The following STK32B variants were observed in gnomAD, a reference collection of about 807,000 sequenced individuals.
STK32B encodes serine/threonine kinase 32B, also known as serine/threonine-protein kinase 32B.
A neutral mutation model predicts 52.6 loss-of-function variants in STK32B; 43 were observed. That is an observed-to-expected ratio of 0.82 (90% CI 0.64 to 1.05). The LOEUF is 1.05. Among genes scored for constraint, STK32B ranks in the 50% least tolerant of loss-of-function variants. STK32B has a pLI of 0.00. For synonymous variants in STK32B, 238 were observed against 204.3 expected, an observed-to-expected ratio of 1.17 and a Z score of -1.41; for missense variants, 621 against 534.6, an observed-to-expected ratio of 1.16 and a Z score of -1.59.
At chr4:5,198,622 A>G (rs1053412890) in intron 3 of STK32B, among the ~76,000 whole-genome samples, 3 of 152,186 alleles carry the variant, frequency 2.0e-5, no homozygotes, top group African/African-American at 7.2e-5. Context: ...CAGCATATTT[A>G]GGCCCACGGC....
chr4:5,294,851 A>T (rs1729095873), intron 3 of STK32B, among the ~76,000 whole-genome samples: 1 of 152,066 alleles, frequency 6.6e-6, no homozygotes, highest in African/African-American at 2.4e-5. Flanking sequence ...GTCTTGTGTC[A>T]GTTTTCAAAG....
chr4:5,343,989 G>A (rs1367763444), intron 4 of STK32B, among the ~76,000 whole-genome samples: 1 of 152,134 alleles, frequency 6.6e-6, no homozygotes, highest in Non-Finnish European at 1.5e-5. Context: ...TGATTCATAG[G>A]AAAATAGAGC....
the STK32B span, among the ~76,000 whole-genome samples, chr4:5,045,002 A>T: frequency 2.6e-5 from 4 of 152,318 alleles, no homozygotes; most frequent in African/African-American, 9.6e-5. Flanking sequence ...TGCTGATGCC[A>T]CCAGCATCTC....
intron 1 of STK32B, among the ~76,000 whole-genome samples, chr4:5,087,064 C>T (rs1712769603): frequency 6.6e-6 from 1 of 151,990 alleles, no homozygotes; most frequent in Non-Finnish European, 1.5e-5. Flanking sequence ...TTTTTGTTTG[C>T]AATTCTTTTT....
chr4:5,407,316 A>G (rs917775523), intron 5 of STK32B, among the ~76,000 whole-genome samples: 1 of 152,150 alleles, frequency 6.6e-6, no homozygotes, highest in African/African-American at 2.4e-5. Context: ...ACAAGTTTCT[A>G]GGGAGTTCCA....
the STK32B span, among the ~76,000 whole-genome samples, chr4:5,032,426 G>A: frequency 1.3e-4 from 17 of 134,122 alleles, no homozygotes; most frequent in Middle Eastern, 4.7e-3. Flanking sequence ...GCAGTTAGCC[G>A]AGATTGTGCC....
chr4:5,383,509 C>T (rs1286608565), intron 4 of STK32B, among the ~76,000 whole-genome samples: 1 of 152,204 alleles, frequency 6.6e-6, no homozygotes, highest in Non-Finnish European at 1.5e-5. Context: ...CCATTGTGAG[C>T]CAGCTCAGAT....
chr4:5,300,893 CTATTAAATTACCCCTATT>C (rs950671187), intron 3 of STK32B, among the ~76,000 whole-genome samples: 3 of 152,040 alleles, frequency 2.0e-5, no homozygotes, highest in African/African-American at 7.2e-5. Context: ...ATTGCAATTT[CTATTAAATTACCCCTATT>C]TATTAAATTA....
chr4:5,440,756 CT>C (rs1714658459), intron 6 of STK32B, among the ~76,000 whole-genome samples: 1 of 152,056 alleles, frequency 6.6e-6, no homozygotes, highest in Non-Finnish European at 1.5e-5. Context: ...ATAGATAGCT[CT>C]TATTATTTTG....
At chr4:5,171,976 T>C (rs1017147362) in intron 3 of STK32B, among the ~76,000 whole-genome samples, 2 of 151,916 alleles carry the variant, frequency 1.3e-5, no homozygotes, top group Non-Finnish European at 2.9e-5. Context: ...TATCCTCTTT[T>C]ATTTCATTGA....
chr4:5,245,936 A>G (rs1407066799), intron 3 of STK32B, among the ~76,000 whole-genome samples: 1 of 152,214 alleles, frequency 6.6e-6, no homozygotes, highest in South Asian at 2.1e-4. Flanking sequence ...TTCTGCTGAG[A>G]GATCCACTGT....
At chr4:5,383,217 G>A (rs372448973) in intron 4 of STK32B, among the ~76,000 whole-genome samples, 7 of 152,024 alleles carry the variant, frequency 4.6e-5, no homozygotes, top group South Asian at 2.1e-4. Flanking sequence ...TGCCCACCGC[G>A]CCAGCTTGTC....
chr4:5,226,376 A>G (rs755529096), intron 3 of STK32B, among the ~76,000 whole-genome samples: 4 of 152,176 alleles, frequency 2.6e-5, no homozygotes, highest in Non-Finnish European at 4.4e-5. Flanking sequence ...GCATGGTTTC[A>G]TTCTCCATGG....
At chr4:5,221,255 T>C (rs1428886508) in intron 3 of STK32B, among the ~76,000 whole-genome samples, 2 of 152,188 alleles carry the variant, frequency 1.3e-5, no homozygotes, top group Non-Finnish European at 2.9e-5. Flanking sequence ...CCTTCACAAG[T>C]AGAATGAACT....
chr4:5,200,027 A>G (rs1028405261), intron 3 of STK32B, among the ~76,000 whole-genome samples: 2 of 152,260 alleles, frequency 1.3e-5, no homozygotes, highest in South Asian at 4.2e-4. Context: ...TGTAGGAACA[A>G]AGGCCCCACC....
chr4:5,455,058 G>T (rs1369993282), intron 7 of STK32B, among the ~76,000 whole-genome samples: 1 of 152,170 alleles, frequency 6.6e-6, no homozygotes, highest in African/African-American at 2.4e-5. Context: ...AAGAGAGAAG[G>T]TGCCACTCAG....
rs145856910 is a variant in STK32B, at chr4:5,414,808, G to T, written c.473-2037G>T. Among the ~76,000 whole-genome samples the T allele has an allele frequency of 4.3e-4, 66 of 152,312 alleles. No individual in the cohort carries two copies. The East Asian group carries it at 0.012, about 27-fold the overall frequency. ...ATGGGGGTGGGAGAGACATTGAGGGGCTTAAAGGGGTAACCCAAAAACATG... is the reference window on the plus strand; with the variant it reads ...ATGGGGGTGGGAGAGACATTGAGGGTCTTAAAGGGGTAACCCAAAAACATG... On this transcript the variant is annotated intron_variant, in intron 5 of 11. Transcript: ENST00000282908.
chr4:5,274,978 A>C (rs1022076310), intron 3 of STK32B, among the ~76,000 whole-genome samples: 10 of 152,196 alleles, frequency 6.6e-5, no homozygotes, highest in African/African-American at 2.4e-4. Flanking sequence ...TGAGCTGAAC[A>C]CTAGTCACTG....
rs202076188 is a variant in STK32B, at chr4:5,499,114, C to T, written c.*31C>T. 3.8e-6 allele frequency: 6 copies of T among 1,586,822 alleles called. No individual in the cohort carries two copies. Among genetic ancestry groups the T allele is most frequent in the East Asian group, 2.3e-5 (1 of 43,740 alleles). The stretch of plus-strand genomic sequence containing the variant: ...CACTTGTTGCTGCTCAACAGGACTG[C>T]ACTCGTCTCTGCCCTGCCCACCCAG... On this transcript the variant is annotated 3_prime_UTR_variant, in exon 12 of 12. Transcript: ENST00000282908.
Sources: allele counts gnomAD v4.1 joint callset (sites outside exome capture counted in the v4.1 genomes callset), GRCh38; gene constraint gnomAD v4.1.1; transcripts MANE v1.5; gene names NCBI Gene and HGNC (gene_info 2026-07-23, HGNC 2026-07-21).